The following DPH7 variants were observed in gnomAD, a reference collection of about 807,000 sequenced individuals.
DPH7 encodes diphthine methyltransferase.
In DPH7, 44 loss-of-function variants were observed where a neutral mutation model predicts 41.7. That is an observed-to-expected ratio of 1.05 (90% CI 0.83 to 1.36). The LOEUF (loss-of-function observed/expected upper bound fraction) is 1.36. DPH7 is among the 40% of genes most tolerant of loss of function. DPH7 has a pLI of 0.00. For missense variants in DPH7, 629 were observed against 577.5 expected (o/e 1.09, Z -0.91); for synonymous variants, 275 against 238.0 (o/e 1.16, Z -1.43).
chr9:137,578,587 G>A, intron 1 of DPH7, 38 bp downstream of exon 1: 2 of 1,433,388 alleles, frequency 1.4e-6, no homozygotes, highest in Non-Finnish European at 1.8e-6. Context: ...CCTCGTGGCC[G>A]GCCCCGCCCT....
chr9:137,578,122 G>A, intron 1 of DPH7: 2 of 273,966 alleles, frequency 7.3e-6, no homozygotes, highest in Non-Finnish European at 1.1e-5. Context: ...GTCCGAGGCT[G>A]CACTCCAGCC....
At chr9:137,563,944 T>C (rs2132963408) in intron 8 of DPH7, among the ~76,000 whole-genome samples, 1 of 152,172 alleles carries the variant, frequency 6.6e-6, no homozygotes, top group East Asian at 1.9e-4. Context: ...CCAGCCACGT[T>C]CTCCGGCTCA....
intron 4 of DPH7, 77 bp downstream of exon 4, chr9:137,574,675 C>G: frequency 7.1e-7 from 1 of 1,403,826 alleles, no homozygotes. Flanking sequence ...CTGAAGGTGG[C>G]TGGAGCCCTC....
chr9:137,557,804 GCAAGACTCTGTCT>G, intron 8 of DPH7, among the ~76,000 whole-genome samples: 1 of 151,850 alleles, frequency 6.6e-6, no homozygotes, highest in Non-Finnish European at 1.5e-5. Context: ...GGGCGACAGA[GCAAGACTCTGTCT>G]CAAAAAAATA....
At chr9:137,574,479 G>A in intron 4 of DPH7, 99 bp from the exon 5 acceptor site, 1 of 1,315,582 alleles carries the variant, frequency 7.6e-7, no homozygotes, top group Non-Finnish European at 1.1e-6. Context: ...CACAGCCCTG[G>A]GATGCGGATA....
chr9:137,578,368 A>G (rs897093237), intron 1 of DPH7: 27 of 328,692 alleles, frequency 8.2e-5, no homozygotes, highest in Non-Finnish European at 1.3e-4. Context: ...GGGTTTCACC[A>G]TGTTAGCCAG....
At chr9:137,574,603 CT>C (rs1841061330) in intron 4 of DPH7, 148 bp downstream of exon 4, 21 of 899,934 alleles carry the variant, frequency 2.3e-5, no homozygotes, top group East Asian at 2.4e-5. Context: ...AATGGGGGAC[CT>C]TTTTTTCATA....
chr9:137,554,624 G>T lies in DPH7; in HGVS notation c.*615C>A, dbSNP rs576279388. Among the ~76,000 whole-genome samples the T allele has an allele frequency of 5.3e-5, 8 of 152,146 alleles. No homozygotes were observed. In the South Asian group the frequency reaches 1.7e-3, roughly 32 times the overall value. On this transcript the variant is annotated 3_prime_UTR_variant, in exon 9 of 9. Coordinates refer to ENST00000277540, the MANE Select transcript of DPH7 (RefSeq NM_138778.5). ...GCTAATTTTTGTTTTACTTTTTATAGAGACTGGGTTTTGCTATGTTGCCCA... is the reference window on the plus strand; with the variant it reads ...GCTAATTTTTGTTTTACTTTTTATATAGACTGGGTTTTGCTATGTTGCCCA...
At chr9:137,564,160 CCAGTGGGGT>C (rs2132968815) in intron 8 of DPH7, among the ~76,000 whole-genome samples, 1 of 152,106 alleles carries the variant, frequency 6.6e-6, no homozygotes, top group South Asian at 2.1e-4. Flanking sequence ...ACTAGAGGTC[CCAGTGGGGT>C]CAGAGGTCTG....
rs1011762226 is a variant in DPH7, at chr9:137,561,038, A to G, written c.949+3396T>C. On this transcript the variant is annotated intron_variant, in intron 8 of 8. Coordinates refer to ENST00000277540, the MANE Select transcript of DPH7 (RefSeq NM_138778.5). ...CCCCATCTCAAAAAAAAAAAAAAAA[A>G]AAAGAAAAAAAGAAAATCACCATTT... Among the ~76,000 whole-genome samples, 9 of 151,372 alleles carry G rather than the reference A, an allele frequency of 5.9e-5. No homozygotes were observed. The South Asian group carries it at 8.3e-4, about 14-fold the overall frequency.
intron 8 of DPH7, among the ~76,000 whole-genome samples, chr9:137,559,458 C>T (rs985423201): frequency 6.6e-6 from 1 of 152,204 alleles, no homozygotes; most frequent in East Asian, 1.9e-4. Context: ...GCTCCTCCAC[C>T]TCTTGTGGAG....
At chr9:137,574,603 C>CT in intron 4 of DPH7, 149 bp downstream of exon 4, 7 of 900,144 alleles carry the variant, frequency 7.8e-6, no homozygotes, top group South Asian at 6.5e-5. Flanking sequence ...AATGGGGGAC[C>CT]TTTTTTTCAT....
chr9:137,574,956 T>C, intron 3 of DPH7, 113 bp from the exon 4 acceptor site: 2 of 1,532,228 alleles, frequency 1.3e-6, no homozygotes, highest in Non-Finnish European at 1.8e-6. Context: ...CCTATGCGAA[T>C]GAAGTACATC....
At chr9:137,564,292 G>A (rs566253974) in intron 8 of DPH7, 142 bp downstream of exon 8, 12 of 1,009,916 alleles carry the variant, frequency 1.2e-5, no homozygotes, top group African/African-American at 3.3e-5. Flanking sequence ...AGTCTAGGGC[G>A]CGACGCTGGG....
chr9:137,569,437 TCCAG>T (rs1273770637), intron 5 of DPH7, among the ~76,000 whole-genome samples: 4 of 108,340 alleles, frequency 3.7e-5, no homozygotes, highest in Admixed American at 1.1e-4. Context: ...CATCCATCCA[TCCAG>T]CCAGCCAGTC....
chr9:137,574,825 G>A lies in DPH7; in HGVS notation c.394C>T (p.Pro132Ser). 6.2e-7 allele frequency: 1 copy of A among 1,613,926 alleles called. No homozygotes were observed. The highest frequency in any genetic ancestry group is 2.2e-5 in the East Asian group (1 of 44,866). ...TCCTCCAGGGCAAGGCTGGACAATG[G>A]CTCCAGCACGTGGCTCTTCTACTGG... is the stretch of plus-strand genomic sequence containing the variant. Reference protein sequence around the residue: ...VESEKSHVLEPLSSLALEEQC... With the variant: ...VESEKSHVLESLSSLALEEQC... The change falls in exon 4 of 9, where the codon CCA becomes TCA. Residue 132 changes from proline to serine, a missense_variant. Pro to Ser is a moderately conservative substitution (Grantham distance 74, BLOSUM62 -1). Coordinates refer to ENST00000277540, the MANE Select transcript of DPH7 (RefSeq NM_138778.5).
At chr9:137,574,430 C>T in intron 4 of DPH7, 50 bp from the exon 5 acceptor site, 1 of 1,591,512 alleles carries the variant, frequency 6.3e-7, no homozygotes, top group Non-Finnish European at 8.6e-7. Flanking sequence ...TATTCGTCAG[C>T]CTCTTCTGGT....
chr9:137,576,375 T>G, intron 2 of DPH7: 1 of 558,556 alleles, frequency 1.8e-6, no homozygotes. Flanking sequence ...TGCAGGCAAG[T>G]GTGACACAAC....
Position 137,564,936 on chromosome 9 carries a change from T to G in DPH7, c.733A>C (p.Ile245Leu). Residue 245 changes from isoleucine to leucine, a missense_variant, in exon 7 of 9, where the codon ATC becomes CTC. Transcript: ENST00000277540. ...TGCTCCCGATGAGGGCTGCTCTGGA[T>G]GCTGCACACACCCATGGTGTGTCTG... The part of the protein sequence containing the change: ...SKRHTMGVCS[I>L]QSSPHREHIL... 1 of 1,597,052 alleles carries G rather than the reference T, an allele frequency of 6.3e-7. No homozygotes were observed. Among genetic ancestry groups the G allele is most frequent in the Non-Finnish European group, 8.5e-7 (1 of 1,171,678 alleles).
Sources: gnomAD v4.1 joint callset for allele counts (sites outside exome capture counted in the v4.1 genomes callset) on GRCh38, gnomAD v4.1.1 for gene constraint, MANE v1.5 for transcripts, NCBI Gene and HGNC (gene_info 2026-07-23, HGNC 2026-07-21) for gene names.